The following BAALC variants were observed in gnomAD, a reference collection of about 807,000 sequenced individuals.
BAALC encodes brain and acute leukemia cytoplasmic protein.
In BAALC, 9 loss-of-function variants were observed where a neutral mutation model predicts 15.5. The observed-to-expected ratio is 0.58, with a 90% CI of 0.35 to 1.02. The LOEUF (loss-of-function observed/expected upper bound fraction) is 1.02, where lower values mean the gene tolerates loss of function less well. Among genes scored for constraint, BAALC ranks in the 50% least tolerant of loss-of-function variants. The pLI is 0.02. For synonymous variants in BAALC, 80 were observed against 74.6 expected, an observed-to-expected ratio of 1.07 and a Z score of -0.37; for missense variants, 201 against 192.4, an observed-to-expected ratio of 1.04 and a Z score of -0.27.
intron 1 of BAALC, among the ~76,000 whole-genome samples, chr8:103,164,089 G>A (rs776894343): frequency 3.3e-5 from 5 of 152,216 alleles, no homozygotes; most frequent in Non-Finnish European, 7.4e-5. Flanking sequence ...AGCAGATTGG[G>A]TGGTAAGGCG....
intron 1 of BAALC, among the ~76,000 whole-genome samples, chr8:103,174,829 C>A (rs1811573797): frequency 6.6e-6 from 1 of 152,160 alleles, no homozygotes; most frequent in Non-Finnish European, 1.5e-5. Flanking sequence ...TTTAGCTGAG[C>A]AGCAACAGAC....
chr8:103,174,260 C>CAAAAAAA (rs34745381), intron 1 of BAALC, among the ~76,000 whole-genome samples: 1 of 126,828 alleles, frequency 7.9e-6, no homozygotes, highest in African/African-American at 2.9e-5. Context: ...GGCAAAGCAC[C>CAAAAAAA]AAAAAAAAAA....
At chr8:103,177,441 T>C (rs1044699904) in intron 1 of BAALC, among the ~76,000 whole-genome samples, 2 of 152,170 alleles carry the variant, frequency 1.3e-5, no homozygotes, top group Non-Finnish European at 2.9e-5. Context: ...CACCTTGGCC[T>C]CCCAAAGCAC....
intron 1 of BAALC, among the ~76,000 whole-genome samples, chr8:103,204,808 T>G (rs1812293660): frequency 6.6e-6 from 1 of 152,244 alleles, no homozygotes; most frequent in African/African-American, 2.4e-5. Context: ...TTATACATAG[T>G]ATGTGGCCAA....
Position 103,197,714 on chromosome 8 carries a change from G to A in BAALC, c.161-15205G>A, listed in dbSNP as rs559570202. Among the ~76,000 whole-genome samples, 94 of 152,222 alleles carry A rather than the reference G, an allele frequency of 6.2e-4. 3 individuals are homozygous for A. The South Asian group carries it at 0.018, about 29-fold the overall frequency. On this transcript the variant is annotated intron_variant, in intron 1 of 2. Coordinates refer to ENST00000309982, the MANE Select transcript of BAALC (RefSeq NM_024812.3). ...GTTTACAATCATGGTGGAAGGTGAC[G>A]GGCAGCCAGCGTGTCACAGGGCAAG...
intron 2 of BAALC, among the ~76,000 whole-genome samples, chr8:103,217,602 C>T (rs1812588226): frequency 6.6e-6 from 1 of 152,134 alleles, no homozygotes; most frequent in Admixed American, 6.6e-5. Flanking sequence ...ACCACGCTCC[C>T]CTTAGGCACC....
chr8:103,141,276 G>C (rs547737540), intron 1 of BAALC: 1 of 499,492 alleles, frequency 2.0e-6, no homozygotes, highest in East Asian at 3.6e-5. Flanking sequence ...CGATGCCCCA[G>C]CTTCCAGCAG....
intron 1 of BAALC, among the ~76,000 whole-genome samples, chr8:103,145,304 T>C (rs1256742616): frequency 6.6e-6 from 1 of 152,230 alleles, no homozygotes; most frequent in Non-Finnish European, 1.5e-5. Flanking sequence ...TCCAGACCCA[T>C]GTGATCAAGT....
intron 1 of BAALC, among the ~76,000 whole-genome samples, chr8:103,155,498 C>T (rs997029093): frequency 1.5e-4 from 23 of 152,144 alleles, no homozygotes; most frequent in African/African-American, 3.6e-4. Context: ...TACCCTGTAT[C>T]GGCCAGGCGC....
chr8:103,185,416 T>C (rs1383318030), intron 1 of BAALC, among the ~76,000 whole-genome samples: 2 of 152,260 alleles, frequency 1.3e-5, no homozygotes, highest in Admixed American at 1.3e-4. Flanking sequence ...TCATATCTTA[T>C]GTTTATCCCT....
intron 1 of BAALC, among the ~76,000 whole-genome samples, chr8:103,191,801 G>T (rs895592234): frequency 6.6e-6 from 1 of 152,152 alleles, no homozygotes; most frequent in Admixed American, 6.5e-5. Context: ...CTTGTCAAAA[G>T]GGGGAGCTCA....
chr8:103,190,284 C>T (rs1811936568), intron 1 of BAALC, among the ~76,000 whole-genome samples: 1 of 152,140 alleles, frequency 6.6e-6, no homozygotes, highest in Non-Finnish European at 1.5e-5. Context: ...CTGTCAACAT[C>T]ACTTCCTGAA....
chr8:103,182,737 G>A (rs540678597), intron 1 of BAALC, among the ~76,000 whole-genome samples: 4 of 152,262 alleles, frequency 2.6e-5, no homozygotes, highest in South Asian at 4.2e-4. Context: ...ATACTTATCC[G>A]TGAGAGAACT....
At chr8:103,185,934 CA>C (rs1811825394) in intron 1 of BAALC, among the ~76,000 whole-genome samples, 1 of 152,164 alleles carries the variant, frequency 6.6e-6, no homozygotes, top group Admixed American at 6.5e-5. Flanking sequence ...AGCACAAGCC[CA>C]GTCTTCATCT....
chr8:103,206,581 T>C lies in BAALC; in HGVS notation c.161-6338T>C, dbSNP rs1222606219. ...GTGGACAAGAGAGCCTGTTGACATG[T>C]GCATTCAGGTCAGTCGTCTCCTGGG... On this transcript the variant is annotated intron_variant, in intron 1 of 2. Transcript: ENST00000309982. 2.0e-5 allele frequency among the ~76,000 whole-genome samples: 3 copies of C among 152,120 alleles called. No homozygotes were observed. In the East Asian group the frequency reaches 5.8e-4, roughly 29 times the overall value.
chr8:103,144,309 A>G (rs894721345), intron 1 of BAALC, among the ~76,000 whole-genome samples: 2 of 152,192 alleles, frequency 1.3e-5, no homozygotes, highest in Non-Finnish European at 2.9e-5. Flanking sequence ...TTTGGAGATC[A>G]TCTCCACTAC....
chr8:103,223,077 C>T (rs763397369), intron 2 of BAALC, among the ~76,000 whole-genome samples: 2 of 152,120 alleles, frequency 1.3e-5, no homozygotes, highest in Non-Finnish European at 2.9e-5. Flanking sequence ...CTTTGGGAGG[C>T]TGATGCGGGT....
intron 1 of BAALC, among the ~76,000 whole-genome samples, chr8:103,168,105 C>T (rs1469756832): frequency 6.6e-6 from 1 of 152,184 alleles, no homozygotes; most frequent in Non-Finnish European, 1.5e-5. Flanking sequence ...ACCAGCTCTA[C>T]CGGGCTATAT....
chr8:103,190,978 C>T (rs1811953976), intron 1 of BAALC: 1 of 152,190 alleles, frequency 6.6e-6, no homozygotes, highest in Non-Finnish European at 1.5e-5. Context: ...GGGGGACTGC[C>T]TGAGCTCAGC....
Sources: allele counts gnomAD v4.1 joint callset (sites outside exome capture counted in the v4.1 genomes callset), GRCh38; gene constraint gnomAD v4.1.1; transcripts MANE v1.5; gene names NCBI Gene and HGNC (gene_info 2026-07-23, HGNC 2026-07-21).